Variants in GCM1 observed in about 807,000 individuals in gnomAD.
The protein encoded by GCM1 is GCM transcription factor 1, also known as chorion-specific transcription factor GCMa.
GCM1 carries 2 observed loss-of-function variants against 25.7 expected under a neutral mutation model. The observed-to-expected ratio is 0.08, with a 90% CI of 0.03 to 0.24. The LOEUF (loss-of-function observed/expected upper bound fraction) is 0.24. Ranked by LOEUF, GCM1 falls within the 10% of genes least tolerant of loss-of-function variation. The pLI is 1.00. For missense variants in GCM1, 395 were observed against 538.7 expected, an observed-to-expected ratio of 0.73 and a Z score of 2.64; for synonymous variants, 183 against 195.7, an observed-to-expected ratio of 0.94 and a Z score of 0.54.
rs1288944566 is a variant in GCM1 at position 53,128,256 on chromosome 6, A to T, written c.1261T>A (p.Leu421Met). ...DFEEEMTYLG[L>M]DHCNNDMLLN... ...AGCATATCATTGTTGCAGTGATCCAAACCCAAGTATGTCATTTCTTCCTCA... is the reference window on the plus strand; with the variant it reads ...AGCATATCATTGTTGCAGTGATCCATACCCAAGTATGTCATTTCTTCCTCA... Residue 421 changes from leucine (L) to methionine (M), a missense_variant, in exon 6 of 6, where the codon TTG becomes ATG. Leu to Met is a conservative substitution (Grantham distance 15). Around this residue, in one of 5 missense-constraint regions of GCM1, gnomAD observed 291 missense variants for 314.6 expected, o/e 0.92. Coordinates refer to ENST00000259803, the MANE Select transcript of GCM1 (RefSeq NM_003643.4). 6 of 1,612,792 alleles carry T rather than the reference A, an allele frequency of 3.7e-6. No homozygotes were observed. In the African/African-American group the frequency reaches 6.7e-5, roughly 18 times the overall value.
chr6:53,138,800 T>G (rs1763835128), intron 2 of GCM1, among the ~76,000 whole-genome samples: 2 of 152,182 alleles, frequency 1.3e-5, no homozygotes, highest in African/African-American at 4.8e-5. Context: ...CTATGACTTC[T>G]GGGTATAATT....
chr6:53,137,551 G>T (rs1763817682), intron 2 of GCM1, among the ~76,000 whole-genome samples: 2 of 152,146 alleles, frequency 1.3e-5, no homozygotes, highest in Non-Finnish European at 2.9e-5. Context: ...ACTTTGGGAG[G>T]CCAAGGCTGG....
intron 1 of GCM1, among the ~76,000 whole-genome samples, chr6:53,146,214 ATATTT>A (rs1156986375): frequency 1.7e-4 from 12 of 69,462 alleles, no homozygotes; most frequent in African/African-American, 6.3e-4. Flanking sequence ...ATATATATAT[ATATTT>A]TTTTTTTTTT....
In GCM1 at chr6:53,130,990, A is replaced by G. The variant is rs531397035; in HGVS notation, c.442-59T>C. 15 of 1,491,690 alleles carry G rather than the reference A, an allele frequency of 1.0e-5. No individual in the cohort carries two copies. The African/African-American group carries it at 1.8e-4, about 18-fold the overall frequency. 92.4% of individuals were successfully genotyped at this position (1,491,690 alleles called of 1,614,324 possible). A position where few individuals can be genotyped will look rare whatever the true frequency, so the allele number is the denominator to read the frequency against. On this transcript the variant is annotated intron_variant, in intron 4 of 5. Transcript: ENST00000259803. ...TATAACACTAACTAGACTGTGTTTC[A>G]TGGTGTATCAGTTTTTATTTACTGT...
At chr6:53,143,710 A>G (rs1202584712) in intron 2 of GCM1, among the ~76,000 whole-genome samples, 3 of 152,264 alleles carry the variant, frequency 2.0e-5, no homozygotes, top group African/African-American at 7.2e-5. Flanking sequence ...CGATATTTGC[A>G]TGATTTAACT....
At position 53,133,788 on chromosome 6, in the gene GCM1, C is replaced by T. The variant is rs73445549; in HGVS notation, c.328+284G>A. On this transcript the variant is annotated intron_variant, in intron 3 of 5. Coordinates refer to ENST00000259803, the MANE Select transcript of GCM1 (RefSeq NM_003643.4). Reference sequence around the variant, plus strand: ...AGATTACAGGTGTGAGCCACCACACCTGCCATCTTCCCTTTAACAGGAGCC... The same window carrying T: ...AGATTACAGGTGTGAGCCACCACACTTGCCATCTTCCCTTTAACAGGAGCC... 0.042 allele frequency among the ~76,000 whole-genome samples: 6,423 copies of T among 152,288 alleles called. 301 individuals carry two copies. The highest frequency in any genetic ancestry group is 0.11 in the African/African-American group (4,670 of 41,546).
At chr6:53,133,305 C>G (rs180796399) in intron 3 of GCM1, among the ~76,000 whole-genome samples, 1 of 151,490 alleles carries the variant, frequency 6.6e-6, no homozygotes, top group African/African-American at 2.4e-5. Flanking sequence ...GCTGGGATTA[C>G]AGGCACACAC....
Position 53,127,189 on chromosome 6 carries a change from C to T in GCM1, c.*1017G>A, listed in dbSNP as rs1359458728. The T allele has an allele frequency of 6.6e-6, 1 of 152,102 alleles. No homozygotes were observed. The highest frequency in any genetic ancestry group is 1.5e-5 in the Non-Finnish European group (1 of 68,024). The allele number at this position is 152,102 out of a possible 1,614,324, so 9.4% of individuals were successfully genotyped here. Reference sequence around the variant, plus strand: ...AATAATAAATGGGATAAAACAGAAGCCCCTGTGCAAGGGGAAGTCAGTGAG... The same window carrying T: ...AATAATAAATGGGATAAAACAGAAGTCCCTGTGCAAGGGGAAGTCAGTGAG... On this transcript the variant is annotated 3_prime_UTR_variant, in exon 6 of 6. Transcript: ENST00000259803.
At chr6:53,131,440 T>G (rs1562087589) in intron 4 of GCM1, among the ~76,000 whole-genome samples, 3 of 152,218 alleles carry the variant, frequency 2.0e-5, no homozygotes, top group African/African-American at 7.2e-5. Flanking sequence ...ACTGCTGGCT[T>G]GAAATCAGCC....
chr6:53,146,216 ATTTTTTT>A (rs70980806), intron 1 of GCM1, among the ~76,000 whole-genome samples: 3 of 101,394 alleles, frequency 3.0e-5, no homozygotes, highest in East Asian at 2.6e-4. Context: ...ATATATATAT[ATTTTTTT>A]TTTTTTTTTT....
intron 2 of GCM1, among the ~76,000 whole-genome samples, chr6:53,134,910 G>A (rs540633358): frequency 2.0e-5 from 3 of 152,262 alleles, no homozygotes; most frequent in South Asian, 2.1e-4. Context: ...ATGCAATGTC[G>A]CCAGAGATAA....
In GCM1 at chr6:53,130,859, C is replaced by T. The variant is rs768556756; in HGVS notation, c.514G>A (p.Val172Met). The T allele has an allele frequency of 1.2e-6, 2 of 1,613,832 alleles. No homozygotes were observed. Among genetic ancestry groups the T allele is most frequent in the African/African-American group, 2.7e-5 (2 of 74,944 alleles). ...GAGACGGAGGAAGGTGCTGTGTTCA[C>T]TTTCTTCATGGCTCTTCTTGCCTCA... ...EAEARRAMKK[V>M]NTAPSSVSLS... The change falls in exon 5 of 6, where the codon GTG (valine) becomes ATG (methionine). Residue 172 changes from valine (V) to methionine (M), a missense_variant. Transcript: ENST00000259803.
At chr6:53,133,333 G>GTA (rs1763752606) in intron 3 of GCM1, among the ~76,000 whole-genome samples, 2 of 128,704 alleles carry the variant, frequency 1.6e-5, no homozygotes, top group Admixed American at 1.6e-4. Context: ...CCCGGCAAAT[G>GTA]TGTGTGTGTG....
intron 2 of GCM1, among the ~76,000 whole-genome samples, chr6:53,135,156 G>A (rs1763781146): frequency 1.3e-5 from 2 of 152,206 alleles, no homozygotes; most frequent in African/African-American, 4.8e-5. Context: ...AAGGAGAGTT[G>A]TCATTCAACG....
At chr6:53,144,914 CAAAAAAAAAA>C (rs11286993) in intron 2 of GCM1, among the ~76,000 whole-genome samples, 2 of 70,760 alleles carry the variant, frequency 2.8e-5, no homozygotes, top group African/African-American at 9.2e-5. Context: ...GACCCTACCT[CAAAAAAAAAA>C]AAAAAAAAGT....
At chr6:53,143,798 G>A (rs148387486) in intron 2 of GCM1, among the ~76,000 whole-genome samples, 2 of 138,754 alleles carry the variant, frequency 1.4e-5, no homozygotes, top group Admixed American at 8.0e-5. Context: ...CAAGATCTAC[G>A]AAGAGAGGAT....
intron 1 of GCM1, among the ~76,000 whole-genome samples, chr6:53,148,007 C>T (rs1431350373): frequency 6.6e-6 from 1 of 152,174 alleles, no homozygotes. Context: ...CCATACTGAG[C>T]TACAACCTAG....
chr6:53,134,976 C>T (rs978859972), intron 2 of GCM1, among the ~76,000 whole-genome samples: 4 of 152,170 alleles, frequency 2.6e-5, no homozygotes, highest in African/African-American at 9.7e-5. Flanking sequence ...CACTTTCTTC[C>T]CCAGAGATTT....
In GCM1 at chr6:53,127,962, G is replaced by A. The variant is rs566844409; in HGVS notation, c.*244C>T. Reference sequence around the variant, plus strand: ...GAGAATCACTCAAACCCGGGAGGCAGAGGTTGCAGTGAGCCGAGATGGCGC... The same window carrying A: ...GAGAATCACTCAAACCCGGGAGGCAAAGGTTGCAGTGAGCCGAGATGGCGC... On this transcript the variant is annotated 3_prime_UTR_variant, in exon 6 of 6. Transcript: ENST00000259803. 122 of 270,926 alleles carry A rather than the reference G, an allele frequency of 4.5e-4. 1 individual carries two copies. The highest frequency in any genetic ancestry group is 2.8e-3 in the African/African-American group (112 of 40,606). The allele number at this position is 270,926 out of a possible 1,614,324, so 16.8% of individuals were successfully genotyped here.
Sources: gnomAD v4.1 joint callset for allele counts (sites outside exome capture counted in the v4.1 genomes callset) on GRCh38, gnomAD v4.1.1 for gene constraint, gnomAD v4.1.1 regional missense constraint, MANE v1.5 for transcripts, NCBI Gene and HGNC (gene_info 2026-07-23, HGNC 2026-07-21) for gene names.